Variants in ANKDD1A observed in about 807,000 individuals in gnomAD.
The protein encoded by ANKDD1A is ankyrin repeat and death domain containing 1A, also known as ankyrin repeat and death domain-containing protein 1A.
ANKDD1A carries 59 observed loss-of-function variants against 63.5 expected under a neutral mutation model. That is an observed-to-expected ratio of 0.93 (90% CI 0.75 to 1.15). The LOEUF is 1.15. ANKDD1A is among the 50% of genes most tolerant of loss of function. The probability of loss-of-function intolerance (pLI) is 0.00; values close to 1 mark genes in which losing one functional copy is unlikely to be tolerated. For missense variants in ANKDD1A, 632 were observed against 656.4 expected, an observed-to-expected ratio of 0.96 and a Z score of 0.41; for synonymous variants, 266 against 263.9, an observed-to-expected ratio of 1.01 and a Z score of -0.08.
intron 9 of ANKDD1A, among the ~76,000 whole-genome samples, chr15:64,935,667 T>G (rs1227575374): frequency 6.6e-6 from 1 of 150,774 alleles, no homozygotes; most frequent in Non-Finnish European, 1.5e-5. Context: ...AGAGCAAGAC[T>G]CCGCCTCAAA....
chr15:64,925,421 G>A (rs947579417), intron 4 of ANKDD1A, among the ~76,000 whole-genome samples: 2 of 151,984 alleles, frequency 1.3e-5, no homozygotes, highest in East Asian at 1.9e-4. Flanking sequence ...CATAGTATTT[G>A]CAAGTCTCCT....
rs769865861 is a variant in ANKDD1A, at chr15:64,926,100, A to G, written c.401A>G (p.Lys134Arg). Reference protein sequence around the residue: ...GLTLLHCAAQKGHVPVLAFIM... With the variant: ...GLTLLHCAAQRGHVPVLAFIM... ...ACCTTACTGCACTGCGCAGCCCAAA[A>G]AGGCCATGTGCCTGTGCTGGCGTTC... Residue 134 changes from lysine (K) to arginine (R), a missense_variant, in exon 5 of 15, where the codon AAA becomes AGA. Lys to Arg is a conservative substitution (Grantham distance 26, BLOSUM62 2). Coordinates refer to ENST00000319580, the MANE Select transcript of ANKDD1A (RefSeq NM_182703.6). 7 of 1,613,812 alleles carry G rather than the reference A, an allele frequency of 4.3e-6. No homozygotes were observed. The South Asian group carries it at 7.7e-5, about 18-fold the overall frequency.
At chr15:64,951,185 G>A in intron 14 of ANKDD1A, 1 of 1,049,514 alleles carries the variant, frequency 9.5e-7, no homozygotes, top group African/African-American at 1.7e-5. Flanking sequence ...TTTGTACACT[G>A]ATCTTTTTCA....
At chr15:64,931,693 G>C in intron 8 of ANKDD1A, 108 bp downstream of exon 8, 1 of 1,205,778 alleles carries the variant, frequency 8.3e-7, no homozygotes, top group East Asian at 2.5e-5. Context: ...TAGAGGCTTC[G>C]AGGCAGCAGA....
intron 6 of ANKDD1A, among the ~76,000 whole-genome samples, chr15:64,929,672 T>C (rs1466086132): frequency 6.6e-6 from 1 of 152,192 alleles, no homozygotes; most frequent in East Asian, 1.9e-4. Flanking sequence ...GCTCTCCACA[T>C]GATCACCTGA....
chr15:64,935,942 A>G lies in ANKDD1A; in HGVS notation c.867+1708A>G, dbSNP rs117527565. On this transcript the variant is annotated intron_variant, in intron 9 of 14. Coordinates refer to ENST00000319580, the MANE Select transcript of ANKDD1A (RefSeq NM_182703.6). Reference sequence around the variant, plus strand: ...AGCTGAATTAAATAATTAAAATTTAAAAACAAGAGGCTTTGGTGTTAGGCC... The same window carrying G: ...AGCTGAATTAAATAATTAAAATTTAGAAACAAGAGGCTTTGGTGTTAGGCC... 4.5e-4 allele frequency among the ~76,000 whole-genome samples: 68 copies of G among 152,312 alleles called. No homozygotes were observed. In the East Asian group the frequency reaches 0.012, roughly 27 times the overall value.
In ANKDD1A at chr15:64,947,556, G is replaced by A. The variant is rs148940004; in HGVS notation, c.1314G>A (p.Thr438=). Reference sequence around the variant, plus strand: ...AGCTGGCATATTCCTGGGAGTTCACGGAGGCACATGTCGACGCCATCGAGC... The same window carrying A: ...AGCTGGCATATTCCTGGGAGTTCACAGAGGCACATGTCGACGCCATCGAGC... ...WKKLAYSWEF[T]EAHVDAIEQQ... Residue 438 remains threonine, a synonymous_variant, in exon 13 of 15, where the codon ACG becomes ACA. Coordinates refer to ENST00000319580, the MANE Select transcript of ANKDD1A (RefSeq NM_182703.6). The A allele has an allele frequency of 3.5e-5, 56 of 1,614,124 alleles. No homozygotes were observed. The highest frequency in any genetic ancestry group is 2.4e-4 in the African/African-American group (18 of 75,036).
chr15:64,941,230 C>G (rs1373192908), intron 9 of ANKDD1A, among the ~76,000 whole-genome samples: 1 of 152,166 alleles, frequency 6.6e-6, no homozygotes, highest in Non-Finnish European at 1.5e-5. Flanking sequence ...AAGAATGCTA[C>G]TGAATAGTAT....
intron 14 of ANKDD1A, among the ~76,000 whole-genome samples, chr15:64,954,372 T>G (rs1338421011): frequency 1.2e-4 from 2 of 16,386 alleles, no homozygotes; most frequent in Admixed American, 2.7e-3. Context: ...TCCTTCTTCT[T>G]CCTTTTCTTT....
rs2085373470 is a variant in ANKDD1A at position 64,954,074 on chromosome 15, TCTTTTC to T, written c.1484-3028_1484-3023del. 2.7e-4 allele frequency among the ~76,000 whole-genome samples: 4 copies of T among 14,930 alleles called. No individual in the cohort carries two copies. The Admixed American group carries it at 4.0e-3, about 15-fold the overall frequency. 9.8% of individuals were successfully genotyped at this position (14,930 alleles called of 152,430 possible). ...TTTTCTCCTTCTTCTTTCTTCTTCC[TCTTTTC>T]TTCTTCTTTCTCCTCCCTCTTTTCT... On this transcript the variant is annotated intron_variant, in intron 14 of 14. Transcript: ENST00000319580.
intron 2 of ANKDD1A, among the ~76,000 whole-genome samples, chr15:64,916,330 CTTT>C (rs1040956905): frequency 5.0e-5 from 7 of 140,076 alleles, no homozygotes; most frequent in East Asian, 2.1e-4. Context: ...GGCTTTTTTT[CTTT>C]TTTTTTTTTT....
intron 14 of ANKDD1A, among the ~76,000 whole-genome samples, chr15:64,954,877 C>CCTTCTCCTTCTTTTCTTCTTCCTT (rs2085400691): frequency 6.9e-6 from 1 of 145,980 alleles, no homozygotes; most frequent in African/African-American, 2.6e-5. Flanking sequence ...TTTTCTTCTT[C>CCTTCTCCTTCTTTTCTTCTTCCTT]CTTCTCCTCC....
chr15:64,930,375 G>A (rs1355347782), intron 6 of ANKDD1A, among the ~76,000 whole-genome samples: 1 of 152,210 alleles, frequency 6.6e-6, no homozygotes, highest in African/African-American at 2.4e-5. Context: ...ATAGTCTCAG[G>A]AGGACAGAGG....
At chr15:64,953,568 T>TTCTTCCTC (rs2085347409) in intron 14 of ANKDD1A, among the ~76,000 whole-genome samples, 1 of 145,260 alleles carries the variant, frequency 6.9e-6, no homozygotes, top group Non-Finnish European at 1.5e-5. Context: ...TCTTCCTCCT[T>TTCTTCCTC]CTTCTTAGTT....
chr15:64,919,532 C>T (rs1401077299), intron 3 of ANKDD1A, among the ~76,000 whole-genome samples: 1 of 152,192 alleles, frequency 6.6e-6, no homozygotes, highest in African/African-American at 2.4e-5. Flanking sequence ...GATCCAACAC[C>T]TTCTCTAGGA....
intron 14 of ANKDD1A, among the ~76,000 whole-genome samples, chr15:64,952,361 CTTCTTTCTTCTTCCTCTTTCCTT>C (rs1431724296): frequency 3.2e-5 from 4 of 125,366 alleles, no homozygotes; most frequent in Admixed American, 8.2e-5. Context: ...CTTCCTCCTT[CTTCTTTCTTCTTCCTCTTTCCTT>C]CTTTTCTTCT....
At chr15:64,915,991 C>A in intron 2 of ANKDD1A, 91 bp downstream of exon 2, 1 of 1,261,250 alleles carries the variant, frequency 7.9e-7, no homozygotes, top group Non-Finnish European at 1.1e-6. Context: ...GAGCTAGAGG[C>A]AGGCACATTT....
At position 64,942,483 on chromosome 15, in the gene ANKDD1A, T is replaced by C. The variant is rs1167783486; in HGVS notation, c.884T>C (p.Leu295Pro). Residue 295 changes from leucine (L) to proline (P), a missense_variant, in exon 10 of 15, where the codon CTG becomes CCG. Physicochemically the swap from Leu to Pro is moderately conservative, Grantham distance 98. Coordinates refer to ENST00000319580, the MANE Select transcript of ANKDD1A (RefSeq NM_182703.6). ...NVVDHQGASPLHLAVRHNFPA... is the reference protein window; with the variant it reads ...NVVDHQGASPPHLAVRHNFPA... Reference sequence around the variant, plus strand: ...CTCCCACAGCAGGGTGCCTCTCCTCTGCACCTCGCTGTGAGGCACAACTTC... The same window carrying C: ...CTCCCACAGCAGGGTGCCTCTCCTCCGCACCTCGCTGTGAGGCACAACTTC... 6.2e-7 allele frequency: 1 copy of C among 1,613,162 alleles called. No homozygotes were observed. The highest frequency in any genetic ancestry group is 8.5e-7 in the Non-Finnish European group (1 of 1,179,540).
intron 12 of ANKDD1A, 89 bp downstream of exon 12, chr15:64,944,836 C>G: frequency 7.8e-7 from 1 of 1,289,874 alleles, no homozygotes; most frequent in Non-Finnish European, 1.1e-6. Flanking sequence ...TAGGCCTGAC[C>G]AATTCTGGGT....
Sources: gnomAD v4.1 joint callset for allele counts (sites outside exome capture counted in the v4.1 genomes callset) on GRCh38, gnomAD v4.1.1 for gene constraint, MANE v1.5 for transcripts, NCBI Gene and HGNC (gene_info 2026-07-23, HGNC 2026-07-21) for gene names.